Variants in TIMM44 observed in about 807,000 individuals in gnomAD.
TIMM44 encodes mitochondrial import inner membrane translocase subunit TIM44.
A neutral mutation model predicts 63.8 loss-of-function variants in TIMM44; 37 were observed. The ratio of observed to expected loss-of-function variants is 0.58; its 90% CI spans 0.45 to 0.76. TIMM44 has a LOEUF of 0.76. Ranked by LOEUF, TIMM44 falls within the 30% of genes least tolerant of loss-of-function variation. The probability of loss-of-function intolerance (pLI) is 0.00; values close to 1 mark genes in which losing one functional copy is unlikely to be tolerated. For missense variants in TIMM44, 573 were observed against 603.8 expected (o/e 0.95, Z 0.54); for synonymous variants, 239 against 245.1 (o/e 0.98, Z 0.23).
At chr19:7,929,605 C>T (rs1363545256) in intron 10 of TIMM44, among the ~76,000 whole-genome samples, 2 of 152,154 alleles carry the variant, frequency 1.3e-5, no homozygotes, top group African/African-American at 4.8e-5. Flanking sequence ...TTCATTCTCA[C>T]GACCCGTGGG....
intron 1 of TIMM44, among the ~76,000 whole-genome samples, chr19:7,942,707 C>G (rs1485282960): frequency 6.7e-6 from 1 of 149,188 alleles, no homozygotes; most frequent in African/African-American, 2.5e-5. Flanking sequence ...GTTGCCCAGG[C>G]TGGAGTAAAG....
chr19:7,933,153 T>C lies in TIMM44; in HGVS notation c.770-221A>G, dbSNP rs931229010. Among the ~76,000 whole-genome samples, 8 of 152,078 alleles carry C rather than the reference T, an allele frequency of 5.3e-5. No individual in the cohort carries two copies. In the East Asian group the frequency reaches 9.7e-4, roughly 18 times the overall value. On this transcript the variant is annotated intron_variant, in intron 7 of 12. Transcript: ENST00000270538. This position sits in a 1 kb window ranked among gnomAD's most constrained non-coding sequence, Gnocchi z 4.3. ...AGAGGCCCCTCAGCTGCGGCCCTAA[T>C]GGGGCTGTGTAAGTTATGGGCCGCC...
chr19:7,939,126 A>C (rs1984232703), intron 2 of TIMM44, among the ~76,000 whole-genome samples: 2 of 152,154 alleles, frequency 1.3e-5, no homozygotes, highest in African/African-American at 4.8e-5. Flanking sequence ...AGGGAACCGG[A>C]AGGTAAACCA....
rs754800779 is a variant in TIMM44, at chr19:7,932,885, T to C, written c.817A>G (p.Ile273Val). 5 of 1,614,228 alleles carry C rather than the reference T, an allele frequency of 3.1e-6. No individual in the cohort carries two copies. The highest frequency in any genetic ancestry group is 4.2e-6 in the Non-Finnish European group (5 of 1,180,034). The change falls in exon 8 of 13, where the codon ATC (isoleucine) becomes GTC (valine). Residue 273 changes from isoleucine to valine, a missense_variant. By Grantham distance (29) the Ile-to-Val change is conservative. Transcript: ENST00000270538. The stretch of plus-strand genomic sequence containing the variant: ...TCCGTAAGGGCCCGGGATGCCCGGA[T>C]GAACGCGTTGTCGCTTTCGTCATAC... ...MKYDESDNAF[I>V]RASRALTDKV...
chr19:7,933,392 G>A lies in TIMM44; in HGVS notation c.769+93C>T, dbSNP rs1984043296. 5.3e-6 allele frequency: 6 copies of A among 1,122,148 alleles called. No individual in the cohort carries two copies. The highest frequency in any genetic ancestry group is 1.2e-5 in the South Asian group (1 of 80,992). The allele number at this position is 1,122,148 out of a possible 1,614,324, so 69.5% of individuals were successfully genotyped here. A position where few individuals can be genotyped will look rare whatever the true frequency, so the allele number is the denominator to read the frequency against. On this transcript the variant is annotated intron_variant, in intron 7 of 12. Transcript: ENST00000270538. The surrounding 1 kb of genome is among the most constrained non-coding windows in gnomAD (Gnocchi z 4.3). The stretch of plus-strand genomic sequence containing the variant: ...ACCCCGATCTCCTCCTCTGCAAAAC[G>A]GGGCTGTCTTGTGCCCAATGCAGGG...
rs1025231132 is a variant in TIMM44, at chr19:7,926,781, G to A, written c.*406C>T. ...TCAGGCTTATGCACAAGATGGAAGA[G>A]CACTGTTAAAATTAAAAAATGGACC... is the stretch of plus-strand genomic sequence containing the variant. On this transcript the variant is annotated 3_prime_UTR_variant, in exon 13 of 13. Coordinates refer to ENST00000270538, the MANE Select transcript of TIMM44 (RefSeq NM_006351.4). 1.0e-5 allele frequency: 3 copies of A among 293,800 alleles called. No individual in the cohort carries two copies. The highest frequency in any genetic ancestry group is 4.4e-5 in the African/African-American group (2 of 45,808). 18.2% of individuals were successfully genotyped at this position (293,800 alleles called of 1,614,324 possible). A position where few individuals can be genotyped will look rare whatever the true frequency, so the allele number is the denominator to read the frequency against.
Position 7,932,556 on chromosome 19 carries a change from C to T in TIMM44, c.987+71G>A, listed in dbSNP as rs150868148. 9,929 of 1,590,452 alleles carry T rather than the reference C, an allele frequency of 6.2e-3. 45 individuals are homozygous for T. The highest frequency in any genetic ancestry group is 8.8e-3 in the Middle Eastern group (39 of 4,436). On this transcript the variant is annotated intron_variant, in intron 9 of 12. Transcript: ENST00000270538. Reference sequence around the variant, plus strand: ...AGTTCCCTGGCAGCACCCAGGGTGCCGGCTGCGGCGGGGGAGGTGGTGGAG... The same window carrying T: ...AGTTCCCTGGCAGCACCCAGGGTGCTGGCTGCGGCGGGGGAGGTGGTGGAG...
chr19:7,926,793 T>TA lies in TIMM44; in HGVS notation c.*393_*394insT. The TA allele has an allele frequency of 3.3e-6, 1 of 299,086 alleles. No homozygotes were observed. The highest frequency in any genetic ancestry group is 8.5e-5 in the East Asian group (1 of 11,740). The allele number at this position is 299,086 out of a possible 1,614,324, so 18.5% of individuals were successfully genotyped here. ...ACAAGATGGAAGAGCACTGTTAAAA[T>TA]TAAAAAATGGACCTAAAGTGGCTTG... On this transcript the variant is annotated 3_prime_UTR_variant, in exon 13 of 13. Transcript: ENST00000270538.
chr19:7,927,249 T>C lies in TIMM44; in HGVS notation c.1297A>G (p.Asn433Asp). The C allele has an allele frequency of 6.2e-7, 1 of 1,612,560 alleles. No individual in the cohort carries two copies. Among genetic ancestry groups the C allele is most frequent in the East Asian group, 2.2e-5 (1 of 44,868 alleles). ...AGGAGCCGCCAGGCCGCGTAGGGGT[T>C]GAGCTCGTCCTGGTCTCGGCAGAGC... The part of the protein sequence containing the change: ...WALCRDQDEL[N>D]PYAAWRLLDI... Residue 433 changes from asparagine (N) to aspartate (D), a missense_variant, in exon 13 of 13, where the codon AAC (asparagine) becomes GAC (aspartate). By Grantham distance (23) the Asn-to-Asp change is conservative. Coordinates refer to ENST00000270538, the MANE Select transcript of TIMM44 (RefSeq NM_006351.4).
chr19:7,932,547 C>G, intron 9 of TIMM44, 80 bp downstream of exon 9: 1 of 1,591,994 alleles, frequency 6.3e-7, no homozygotes, highest in Non-Finnish European at 8.6e-7. Context: ...CTGGCAGCAC[C>G]CAGGGTGCCG....
In TIMM44 at chr19:7,943,174, C is replaced by T. The variant is rs1984359089; in HGVS notation, c.45+433G>A. Among the ~76,000 whole-genome samples the T allele has an allele frequency of 1.3e-5, 2 of 152,158 alleles. No individual in the cohort carries two copies. Among genetic ancestry groups the T allele is most frequent in the Admixed American group, 1.3e-4 (2 of 15,274 alleles). On this transcript the variant is annotated intron_variant, in intron 1 of 12. Coordinates refer to ENST00000270538, the MANE Select transcript of TIMM44 (RefSeq NM_006351.4). The surrounding 1 kb of genome is among the most constrained non-coding windows in gnomAD (Gnocchi z 4.3). ...CAAGAGCCTGCTAGGGCGCGAACCACCTCTCGCACATCCACAATGAACGTT... is the reference window on the plus strand; with the variant it reads ...CAAGAGCCTGCTAGGGCGCGAACCATCTCTCGCACATCCACAATGAACGTT...
At chr19:7,941,065 C>G in intron 2 of TIMM44, 37 bp downstream of exon 2, 1 of 1,571,114 alleles carries the variant, frequency 6.4e-7, no homozygotes, top group Non-Finnish European at 8.8e-7. Context: ...TCGGGCCTCC[C>G]CTGTGTCTGC....
Position 7,933,689 on chromosome 19 carries a change from G to A in TIMM44, c.684-119C>T, listed in dbSNP as rs574770379. On this transcript the variant is annotated intron_variant, in intron 6 of 12. Coordinates refer to ENST00000270538, the MANE Select transcript of TIMM44 (RefSeq NM_006351.4). This position sits in a 1 kb window ranked among gnomAD's most constrained non-coding sequence, Gnocchi z 4.3. ...GGCAGCTGAGACCTCAAACCTAGGG[G>A]CTCTGAGGACCCCGCCCTCACCTCT... The A allele has an allele frequency of 4.7e-5, 60 of 1,289,712 alleles. No individual in the cohort carries two copies. Among genetic ancestry groups the A allele is most frequent in the Non-Finnish European group, 6.3e-5 (56 of 893,546 alleles). The allele number at this position is 1,289,712 out of a possible 1,614,324, so 79.9% of individuals were successfully genotyped here.
At chr19:7,942,022 G>A (rs1044052705) in intron 1 of TIMM44, among the ~76,000 whole-genome samples, 5 of 152,168 alleles carry the variant, frequency 3.3e-5, no homozygotes, top group African/African-American at 9.7e-5. Context: ...TAGGGGAGTC[G>A]CTCTGGGCAA....
Position 7,942,550 on chromosome 19 carries a change from C to A in TIMM44, c.45+1057G>T, listed in dbSNP as rs1488620994. On this transcript the variant is annotated intron_variant, in intron 1 of 12. Transcript: ENST00000270538. ...AGGTACAACTTCTCCACCATTTCCACATTTCCTGGGCCGTTTTTCTCTCTG... is the reference window on the plus strand; with the variant it reads ...AGGTACAACTTCTCCACCATTTCCAAATTTCCTGGGCCGTTTTTCTCTCTG... 1.3e-5 allele frequency among the ~76,000 whole-genome samples: 2 copies of A among 152,140 alleles called. 1 individual carries two copies. The highest frequency in any genetic ancestry group is 2.9e-5 in the Non-Finnish European group (2 of 68,018).
rs556196182 is a variant in TIMM44 at position 7,934,314 on chromosome 19, C to G, written c.394-76G>C. 3.8e-6 allele frequency: 6 copies of G among 1,580,858 alleles called. No individual in the cohort carries two copies. Among genetic ancestry groups the G allele is most frequent in the Non-Finnish European group, 5.2e-6 (6 of 1,162,662 alleles). The stretch of plus-strand genomic sequence containing the variant: ...GGGGGCGGGGCAGGAGGAATGAATT[C>G]CTGCCGGAGAGAAGGGCGGATCTGG... On this transcript the variant is annotated intron_variant, in intron 4 of 12. Coordinates refer to ENST00000270538, the MANE Select transcript of TIMM44 (RefSeq NM_006351.4). The surrounding 1 kb of genome is among the most constrained non-coding windows in gnomAD (Gnocchi z 5.3).
At chr19:7,935,178 T>A in intron 3 of TIMM44, 33 bp from the exon 4 acceptor site, 1 of 1,557,608 alleles carries the variant, frequency 6.4e-7, no homozygotes, top group Non-Finnish European at 8.8e-7. Flanking sequence ...TTTTTTTTTT[T>A]TTTTTTTTTG....
chr19:7,931,178 G>A lies in TIMM44; in HGVS notation c.998C>T (p.Ser333Phe). ...GTCTTTGAGAATGTCAAGCTCTCCA[G>A]AAATCATGGCCTAAAAAGGAAGGGA... ...IIPNVLEAMI[S>F]GELDILKDWC... Residue 333 changes from serine to phenylalanine, a missense_variant, in exon 10 of 13, where the codon TCT becomes TTT. Ser to Phe is a radical substitution (Grantham distance 155, BLOSUM62 -2). Coordinates refer to ENST00000270538, the MANE Select transcript of TIMM44 (RefSeq NM_006351.4). 6.2e-7 allele frequency: 1 copy of A among 1,614,034 alleles called. No homozygotes were observed. Among genetic ancestry groups the A allele is most frequent in the Non-Finnish European group, 8.5e-7 (1 of 1,179,988 alleles).
chr19:7,937,171 C>T (rs1050125954), intron 3 of TIMM44, among the ~76,000 whole-genome samples: 5 of 151,710 alleles, frequency 3.3e-5, no homozygotes, highest in South Asian at 2.1e-4. Flanking sequence ...CCCAGCTATC[C>T]GGGAGGCTGA....
Sources: gnomAD v4.1 joint callset for allele counts (sites outside exome capture counted in the v4.1 genomes callset) on GRCh38, gnomAD v4.1.1 for gene constraint, Gnocchi (gnomAD v3.1) non-coding constraint, MANE v1.5 for transcripts, NCBI Gene and HGNC (gene_info 2026-07-23, HGNC 2026-07-21) for gene names.